The following GSG1L variants were observed in gnomAD, a reference collection of about 807,000 sequenced individuals.
The protein encoded by GSG1L is GSG1 like.
GSG1L carries 24 observed loss-of-function variants against 42.1 expected under a neutral mutation model. That is an observed-to-expected ratio of 0.57 (90% confidence interval 0.41 to 0.80). The LOEUF is 0.80. GSG1L is among the 30% of genes least tolerant of loss of function. GSG1L has a pLI of 0.00. For missense variants in GSG1L, 445 were observed against 472.2 expected, an observed-to-expected ratio of 0.94 and a Z score of 0.53; for synonymous variants, 215 against 203.5, an observed-to-expected ratio of 1.06 and a Z score of -0.48.
chr16:27,973,828 C>T (rs1449679306), intron 1 of GSG1L, among the ~76,000 whole-genome samples: 1 of 152,132 alleles, frequency 6.6e-6, no homozygotes, highest in Admixed American at 6.5e-5. Flanking sequence ...CCAGGGGGTA[C>T]AGCTGGGACA....
chr16:27,823,931 G>T (rs2083177672), intron 5 of GSG1L: 1 of 702,898 alleles, frequency 1.4e-6, no homozygotes, highest in South Asian at 1.5e-5. Context: ...AAATGGAGGT[G>T]ACAATAACAC....
At chr16:27,860,814 T>G (rs937702684) in intron 3 of GSG1L, among the ~76,000 whole-genome samples, 4 of 152,288 alleles carry the variant, frequency 2.6e-5, no homozygotes, top group Non-Finnish European at 5.9e-5. Context: ...ACCAAGGACA[T>G]CACAGTCATG....
chr16:28,051,882 T>C (rs951624451), intron 1 of GSG1L, among the ~76,000 whole-genome samples: 1 of 152,140 alleles, frequency 6.6e-6, no homozygotes, highest in South Asian at 2.1e-4. Flanking sequence ...TCCAGCAGTA[T>C]GCAGTAGGAT....
intron 1 of GSG1L, among the ~76,000 whole-genome samples, chr16:28,032,437 G>A (rs946789042): frequency 8.5e-5 from 13 of 152,098 alleles, no homozygotes; most frequent in African/African-American, 1.9e-4. Flanking sequence ...AGATTCATAC[G>A]TTGATGTATG....
intron 2 of GSG1L, among the ~76,000 whole-genome samples, chr16:27,922,313 GTTCTAT>G (rs1324064509): frequency 1.3e-5 from 2 of 152,042 alleles, no homozygotes; most frequent in Non-Finnish European, 2.9e-5. Context: ...GATCCAATAT[GTTCTAT>G]TTCTCTCAAC....
chr16:27,793,705 T>C (rs1378058819), intron 6 of GSG1L, among the ~76,000 whole-genome samples: 1 of 152,226 alleles, frequency 6.6e-6, no homozygotes, highest in Non-Finnish European at 1.5e-5. Flanking sequence ...TCAGGCTGTC[T>C]GTCCCCTGGA....
At position 28,000,494 on chromosome 16, in the gene GSG1L, T is replaced by C. The variant is rs1257523985; in HGVS notation, c.350-37291A>G. Reference sequence around the variant, plus strand: ...GCTGGGTCTTGCATTTTACTATCTATTTGCTTAGTCCTGCCAGAATCCATT... The same window carrying C: ...GCTGGGTCTTGCATTTTACTATCTACTTGCTTAGTCCTGCCAGAATCCATT... On this transcript the variant is annotated intron_variant, in intron 1 of 6. Transcript: ENST00000447459. Among the ~76,000 whole-genome samples the C allele has an allele frequency of 2.6e-5, 4 of 152,142 alleles. No individual in the cohort carries two copies. In the East Asian group the frequency reaches 7.7e-4, roughly 29 times the overall value.
At chr16:28,003,875 A>C (rs2141146979) in intron 1 of GSG1L, among the ~76,000 whole-genome samples, 1 of 152,352 alleles carries the variant, frequency 6.6e-6, no homozygotes, top group East Asian at 1.9e-4. Context: ...AAAGGGAAAA[A>C]GTCAAACCCA....
At chr16:27,901,719 C>A (rs113318764) in intron 2 of GSG1L, among the ~76,000 whole-genome samples, 1 of 152,334 alleles carries the variant, frequency 6.6e-6, no homozygotes, top group African/African-American at 2.4e-5. Context: ...TAAATACCAT[C>A]GGGTCTCTCT....
intron 1 of GSG1L, among the ~76,000 whole-genome samples, chr16:28,018,883 C>A: frequency 6.6e-6 from 1 of 152,126 alleles, no homozygotes; most frequent in East Asian, 1.9e-4. Flanking sequence ...AGCCCAGCTG[C>A]GACCTGCACA....
intron 1 of GSG1L, among the ~76,000 whole-genome samples, chr16:28,058,129 G>T (rs780927253): frequency 6.6e-6 from 1 of 152,164 alleles, no homozygotes; most frequent in African/African-American, 2.4e-5. Flanking sequence ...AGTGAGCTGG[G>T]CTGGGGAGAC....
intron 1 of GSG1L, among the ~76,000 whole-genome samples, chr16:28,009,789 T>C (rs910504427): frequency 1.3e-5 from 2 of 152,206 alleles, no homozygotes; most frequent in African/African-American, 4.8e-5. Context: ...TGAGTCTCAG[T>C]TTCCTCATCT....
chr16:27,930,259 G>A (rs746384119), intron 2 of GSG1L, among the ~76,000 whole-genome samples: 5 of 152,142 alleles, frequency 3.3e-5, no homozygotes, highest in Non-Finnish European at 7.4e-5. Flanking sequence ...TGTTCTCATC[G>A]TTTTTCCTGT....
At chr16:28,013,246 A>G (rs565895352) in intron 1 of GSG1L, among the ~76,000 whole-genome samples, 74 of 151,054 alleles carry the variant, frequency 4.9e-4, no homozygotes, top group African/African-American at 1.7e-3. Context: ...TACAAGGGAG[A>G]AATATAATAC....
Position 27,884,432 on chromosome 16 carries a change from C to T in GSG1L, c.550+54G>A, listed in dbSNP as rs745696245. 2.2e-4 allele frequency: 344 copies of T among 1,545,204 alleles called. No homozygotes were observed. Among genetic ancestry groups the T allele is most frequent in the Middle Eastern group, 1.0e-3 (6 of 5,878 alleles). On this transcript the variant is annotated intron_variant, in intron 3 of 6. Transcript: ENST00000447459. This position sits in a 1 kb window ranked among gnomAD's most constrained non-coding sequence, Gnocchi z 4.4. ...GTACAACCAGGGCTTACTCCAAGGGCAGCACCCTTTCTCGCCTGTGCTCTG... is the reference window on the plus strand; with the variant it reads ...GTACAACCAGGGCTTACTCCAAGGGTAGCACCCTTTCTCGCCTGTGCTCTG...
At chr16:27,962,946 A>G (rs2085086477) in intron 2 of GSG1L, among the ~76,000 whole-genome samples, 1 of 152,162 alleles carries the variant, frequency 6.6e-6, no homozygotes, top group South Asian at 2.1e-4. Context: ...TCAGACAGGG[A>G]GGGCAGACAG....
At chr16:27,860,594 T>A (rs1477909501) in intron 3 of GSG1L, among the ~76,000 whole-genome samples, 1 of 152,210 alleles carries the variant, frequency 6.6e-6, no homozygotes, top group East Asian at 1.9e-4. Flanking sequence ...GAGTTTCTGA[T>A]CCTGGGGAAA....
intron 4 of GSG1L, among the ~76,000 whole-genome samples, chr16:27,840,222 A>G (rs1380079477): frequency 6.6e-6 from 1 of 151,676 alleles, no homozygotes; most frequent in African/African-American, 2.4e-5. Context: ...ATTGTTTTAG[A>G]GATTGGGTCT....
chr16:27,829,093 A>G (rs2083248001), intron 4 of GSG1L, 137 bp from the exon 5 acceptor site: 1 of 769,506 alleles, frequency 1.3e-6, no homozygotes, highest in Admixed American at 2.7e-5. Context: ...GCCACAGAGA[A>G]GGATAAGACT....
Sources: allele counts gnomAD v4.1 joint callset (sites outside exome capture counted in the v4.1 genomes callset), GRCh38; gene constraint gnomAD v4.1.1; non-coding constraint Gnocchi (gnomAD v3.1); transcripts MANE v1.5; gene names NCBI Gene and HGNC (gene_info 2026-07-23, HGNC 2026-07-21).